The following LYPD6 variants were observed in gnomAD, a reference collection of about 807,000 sequenced individuals.
LYPD6 encodes LY6/PLAUR domain containing 6, also known as ly6/PLAUR domain-containing protein 6.
A neutral mutation model predicts 22.7 loss-of-function variants in LYPD6; 15 were observed. That is an observed-to-expected ratio of 0.66 (90% CI 0.44 to 1.02). The LOEUF (loss-of-function observed/expected upper bound fraction) is 1.02, where lower values mean the gene tolerates loss of function less well. Ranked by LOEUF, LYPD6 falls within the 50% of genes least tolerant of loss-of-function variation. The pLI is 0.00. For missense variants in LYPD6, 189 were observed against 208.4 expected (o/e 0.91, Z 0.57); for synonymous variants, 72 against 77.5 (o/e 0.93, Z 0.37).
intron 3 of LYPD6, among the ~76,000 whole-genome samples, chr2:149,455,671 A>T (rs1394212029): frequency 6.6e-6 from 1 of 152,176 alleles, no homozygotes; most frequent in South Asian, 2.1e-4. Flanking sequence ...TGTTTTACAA[A>T]TCCAGTTGCC....
Position 149,336,951 on chromosome 2 carries a change from G to T in LYPD6, c.-72+6229G>T, listed in dbSNP as rs948741726. On this transcript the variant is annotated intron_variant, in intron 1 of 4. Coordinates refer to ENST00000334166, the MANE Select transcript of LYPD6 (RefSeq NM_194317.5). ...AACGTGTGTGTGTGTGTGTGTGTGT[G>T]TGTGTGTGTTTGGTGTTAGGAAAAA... Among the ~76,000 whole-genome samples the T allele has an allele frequency of 3.3e-5, 5 of 152,018 alleles. No homozygotes were observed. The East Asian group carries it at 9.6e-4, about 29-fold the overall frequency.
intron 1 of LYPD6, among the ~76,000 whole-genome samples, chr2:149,369,204 G>C (rs1681747499): frequency 6.6e-6 from 1 of 151,998 alleles, no homozygotes; most frequent in Admixed American, 6.6e-5. Context: ...ACAGGCCACG[G>C]GAGCCAACAC....
intron 2 of LYPD6, among the ~76,000 whole-genome samples, chr2:149,447,605 A>G (rs1288758498): frequency 6.6e-6 from 1 of 152,240 alleles, no homozygotes; most frequent in Admixed American, 6.5e-5. Context: ...CCAGGGGTTC[A>G]TAATGACATC....
At chr2:149,475,804 T>G (rs16827063), downstream of LYPD6, among the ~76,000 whole-genome samples, 2,118 of 152,312 alleles carry the variant, frequency 0.014, 59 homozygotes, top group African/African-American at 0.048. Context: ...CTTCGGTTAA[T>G]CAGCATGACC....
At chr2:149,383,306 T>C (rs146349540) in intron 1 of LYPD6, among the ~76,000 whole-genome samples, 80 of 152,300 alleles carry the variant, frequency 5.3e-4, no homozygotes, top group African/African-American at 1.9e-3. Flanking sequence ...CATTTTGTAA[T>C]ATTTTTGTTT....
intron 1 of LYPD6, among the ~76,000 whole-genome samples, chr2:149,432,074 T>C (rs1683325935): frequency 6.6e-6 from 1 of 152,136 alleles, no homozygotes; most frequent in Non-Finnish European, 1.5e-5. Context: ...TCACAGCCAC[T>C]AGGATGGCTA....
rs542466054 is a variant in LYPD6 at position 149,402,951 on chromosome 2, A to G, written c.-71-34687A>G. ...TGTGTCCATGTGTTCTCATTGTTCA[A>G]TTCCCACCTATGAGTGAGAACATGC... On this transcript the variant is annotated intron_variant, in intron 1 of 4. Transcript: ENST00000334166. Among the ~76,000 whole-genome samples, 1,189 of 147,906 alleles carry G rather than the reference A, an allele frequency of 8.0e-3. 7 individuals are homozygous for G. The highest frequency in any genetic ancestry group is 0.029 in the African/African-American group (1,146 of 40,016).
At chr2:149,450,203 G>T (rs1462971190) in intron 3 of LYPD6, among the ~76,000 whole-genome samples, 7 of 152,166 alleles carry the variant, frequency 4.6e-5, no homozygotes, top group Non-Finnish European at 1.0e-4. Context: ...TTCAGCAGCA[G>T]CATCATTCTC....
intron 3 of LYPD6, among the ~76,000 whole-genome samples, chr2:149,456,089 G>C (rs571324066): frequency 6.6e-6 from 1 of 152,166 alleles, no homozygotes; most frequent in African/African-American, 2.4e-5. Context: ...GATCTATGGA[G>C]AATAATTGTT....
At chr2:149,455,345 G>A (rs1196641) in intron 3 of LYPD6, among the ~76,000 whole-genome samples, 88,623 of 149,122 alleles carry the variant, frequency 0.59, 27,698 homozygotes, top group East Asian at 0.85. Context: ...TGCAAGCTCC[G>A]CCTCCTGGGT....
chr2:149,457,739 TTTCTA>T (rs1680995302), intron 3 of LYPD6, among the ~76,000 whole-genome samples: 1 of 152,304 alleles, frequency 6.6e-6, no homozygotes, highest in African/African-American at 2.4e-5. Flanking sequence ...TGGATGTACT[TTTCTA>T]TTCCTCCTGC....
At position 149,470,759 on chromosome 2, in the gene LYPD6, C is replaced by T. The variant is rs115815618; in HGVS notation, c.425C>T (p.Thr142Met). ...AATGAAACTGATGCCACATTTGCCA[C>T]GACGTCACCTATAAATCAGACAAAT... ...PRNETDATFA[T>M]TSPINQTNGH... The change falls in exon 5 of 5, where the codon ACG becomes ATG. Residue 142 changes from threonine (T) to methionine (M), a missense_variant. Thr to Met is a moderately conservative substitution (Grantham distance 81). Transcript: ENST00000334166. 4.0e-5 allele frequency: 65 copies of T among 1,613,770 alleles called. No individual in the cohort carries two copies. The highest frequency in any genetic ancestry group is 1.6e-4 in the East Asian group (7 of 44,852).
intron 1 of LYPD6, among the ~76,000 whole-genome samples, chr2:149,384,445 A>G (rs1050378627): frequency 1.3e-5 from 2 of 152,160 alleles, no homozygotes; most frequent in Non-Finnish European, 2.9e-5. Context: ...GTCTCCTCCA[A>G]GTTGCCTATG....
At chr2:149,434,344 G>A (rs1170177840) in intron 1 of LYPD6, among the ~76,000 whole-genome samples, 1 of 152,144 alleles carries the variant, frequency 6.6e-6, no homozygotes, top group East Asian at 1.9e-4. Flanking sequence ...CAAAAGTTCT[G>A]CTATACTTAA....
chr2:149,465,129 T>C (rs1175044513), intron 3 of LYPD6, among the ~76,000 whole-genome samples: 1 of 152,148 alleles, frequency 6.6e-6, no homozygotes, highest in Non-Finnish European at 1.5e-5. Flanking sequence ...CATGGGAGAA[T>C]ATCGACTTTC....
At chr2:149,365,061 A>G (rs1681634999) in intron 1 of LYPD6, among the ~76,000 whole-genome samples, 1 of 152,210 alleles carries the variant, frequency 6.6e-6, no homozygotes, top group African/African-American at 2.4e-5. Flanking sequence ...GTGTTTTGCT[A>G]CACAGGACAT....
At chr2:149,360,044 A>G (rs1256701807) in intron 1 of LYPD6, among the ~76,000 whole-genome samples, 1 of 152,210 alleles carries the variant, frequency 6.6e-6, no homozygotes, top group Admixed American at 6.5e-5. Context: ...GGAAAGAGGT[A>G]GGCAATTCCT....
At chr2:149,360,165 A>G (rs536408406) in intron 1 of LYPD6, among the ~76,000 whole-genome samples, 2 of 152,186 alleles carry the variant, frequency 1.3e-5, no homozygotes, top group Non-Finnish European at 2.9e-5. Flanking sequence ...GCATGCTAAT[A>G]CATTATAATT....
chr2:149,416,230 C>CT (rs1256153895), intron 1 of LYPD6, among the ~76,000 whole-genome samples: 1 of 152,202 alleles, frequency 6.6e-6, no homozygotes, highest in Admixed American at 6.5e-5. Flanking sequence ...GCTGCCCACT[C>CT]TGAGTTCTCC....
Sources: gnomAD v4.1 joint callset for allele counts (sites outside exome capture counted in the v4.1 genomes callset) on GRCh38, gnomAD v4.1.1 for gene constraint, MANE v1.5 for transcripts, NCBI Gene and HGNC (gene_info 2026-07-23, HGNC 2026-07-21) for gene names.